RUFY1: variants seen among roughly 807,000 people sequenced by gnomAD.
RUFY1 encodes RUN and FYVE domain containing 1, also known as RUN and FYVE domain-containing protein 1.
Under a neutral mutation model 94.6 loss-of-function variants are expected in RUFY1, and 54 were observed. The observed-to-expected ratio is 0.57, with a 90% CI of 0.46 to 0.72. The LOEUF is 0.72. Ranked by LOEUF, RUFY1 falls within the 30% of genes least tolerant of loss-of-function variation. The pLI is 0.00. For synonymous variants in RUFY1, 396 were observed against 347.3 expected (o/e 1.14, Z -1.56); for missense variants, 883 against 883.9 (o/e 1.00, Z 0.01).
Position 179,609,601 on chromosome 5 carries a change from C to A in RUFY1, c.*82C>A. The A allele has an allele frequency of 2.3e-6, 3 of 1,319,536 alleles. No homozygotes were observed. Among genetic ancestry groups the A allele is most frequent in the Non-Finnish European group, 3.0e-6 (3 of 992,092 alleles). The allele number at this position is 1,319,536 out of a possible 1,614,324, so 81.7% of individuals were successfully genotyped here. A position where few individuals can be genotyped will look rare whatever the true frequency, so the allele number is the denominator to read the frequency against. ...GGGGCTTGGGAAATGTGTTCTTTCCCAAGAGTATCAAAGGAAAGAATCAAA... is the reference window on the plus strand; with the variant it reads ...GGGGCTTGGGAAATGTGTTCTTTCCAAAGAGTATCAAAGGAAAGAATCAAA... On this transcript the variant is annotated 3_prime_UTR_variant, in exon 18 of 18. Transcript: ENST00000319449.
At chr5:179,577,531 G>T (rs915326705) in intron 6 of RUFY1, among the ~76,000 whole-genome samples, 1 of 150,418 alleles carries the variant, frequency 6.6e-6, no homozygotes, top group Non-Finnish European at 1.5e-5. Context: ...CCGGGTCTCC[G>T]GACGGAAATT....
At chr5:179,574,626 G>C (rs1379856685) in intron 5 of RUFY1, among the ~76,000 whole-genome samples, 4 of 152,046 alleles carry the variant, frequency 2.6e-5, no homozygotes, top group African/African-American at 7.2e-5. Flanking sequence ...AATTTTTAAA[G>C]TCATTTATAA....
At chr5:179,571,133 T>C (rs1763196956) in intron 5 of RUFY1, among the ~76,000 whole-genome samples, 1 of 152,224 alleles carries the variant, frequency 6.6e-6, no homozygotes, top group African/African-American at 2.4e-5. Flanking sequence ...AAAATGACTA[T>C]GTAGTATTTC....
chr5:179,568,445 C>G (rs534281121), intron 4 of RUFY1, among the ~76,000 whole-genome samples: 13 of 152,212 alleles, frequency 8.5e-5, no homozygotes, highest in Non-Finnish European at 1.9e-4. Context: ...AGCCTAAAAC[C>G]CAAGCCTTTC....
chr5:179,593,463 A>C lies in RUFY1; in HGVS notation c.1246-15A>C. Reference sequence around the variant, plus strand: ...TCTATTTTAATAACATTTTCCTTGTAAATATCCTTTTAAGGAACTGGAAAA... The same window carrying C: ...TCTATTTTAATAACATTTTCCTTGTCAATATCCTTTTAAGGAACTGGAAAA... On this transcript the variant is annotated splice_polypyrimidine_tract_variant and intron_variant, in intron 10 of 17. Transcript: ENST00000319449. 6.3e-7 allele frequency: 1 copy of C among 1,582,128 alleles called. No homozygotes were observed. The highest frequency in any genetic ancestry group is 8.7e-7 in the Non-Finnish European group (1 of 1,151,004).
intron 1 of RUFY1, among the ~76,000 whole-genome samples, chr5:179,558,290 T>C (rs1762208314): frequency 6.6e-6 from 1 of 152,122 alleles, no homozygotes; most frequent in Non-Finnish European, 1.5e-5. Flanking sequence ...ATAATTATAC[T>C]GGCCAGACAT....
intron 1 of RUFY1, among the ~76,000 whole-genome samples, chr5:179,557,013 A>G (rs1196182475): frequency 6.6e-6 from 1 of 152,162 alleles, no homozygotes; most frequent in Admixed American, 6.6e-5. Context: ...GCCAAAAATT[A>G]TTTTTTGTTC....
intron 5 of RUFY1, chr5:179,572,237 G>A: frequency 7.0e-6 from 2 of 285,986 alleles, no homozygotes; most frequent in South Asian, 6.4e-5. Flanking sequence ...CTTCCAGGAG[G>A]TGAAGCTGTG....
At chr5:179,593,964 A>T (rs1044282980) in intron 11 of RUFY1, among the ~76,000 whole-genome samples, 1 of 150,622 alleles carries the variant, frequency 6.6e-6, no homozygotes, top group Non-Finnish European at 1.5e-5. Flanking sequence ...GTTTTCTTCT[A>T]TTTCAACGAT....
At chr5:179,553,687 G>T (rs1436908769) in intron 1 of RUFY1, among the ~76,000 whole-genome samples, 1 of 152,136 alleles carries the variant, frequency 6.6e-6, no homozygotes, top group Non-Finnish European at 1.5e-5. Flanking sequence ...CTACTCAGGA[G>T]GCTGAGGCAG....
chr5:179,584,291 A>C (rs1277091678), intron 7 of RUFY1, among the ~76,000 whole-genome samples: 1 of 152,180 alleles, frequency 6.6e-6, no homozygotes, highest in Non-Finnish European at 1.5e-5. Flanking sequence ...GGTCTTTGGC[A>C]GCATGACCTG....
chr5:179,604,314 T>C (rs1369463045), intron 15 of RUFY1, among the ~76,000 whole-genome samples: 1 of 152,238 alleles, frequency 6.6e-6, no homozygotes, highest in Non-Finnish European at 1.5e-5. Context: ...TCGCAGGCCC[T>C]ACATTAGCTA....
intron 7 of RUFY1, among the ~76,000 whole-genome samples, chr5:179,583,950 G>A (rs922276266): frequency 3.3e-5 from 5 of 150,914 alleles, no homozygotes; most frequent in African/African-American, 4.9e-5. Context: ...GGGTTTCACC[G>A]TGTTAGCCAG....
intron 6 of RUFY1, among the ~76,000 whole-genome samples, chr5:179,579,215 A>T (rs934118025): frequency 6.6e-6 from 1 of 152,236 alleles, no homozygotes; most frequent in Non-Finnish European, 1.5e-5. Context: ...CAAGAACCAC[A>T]CTAAAGCTTC....
chr5:179,572,308 C>T, intron 5 of RUFY1: 1 of 199,900 alleles, frequency 5.0e-6, no homozygotes, highest in Admixed American at 6.3e-5. Flanking sequence ...TTTTCTGTGG[C>T]CCATGGAGAA....
At chr5:179,603,394 C>T (rs1180949109) in intron 15 of RUFY1, among the ~76,000 whole-genome samples, 2 of 152,190 alleles carry the variant, frequency 1.3e-5, no homozygotes, top group African/African-American at 2.4e-5. Context: ...TAGACTAGCC[C>T]ATGGCCGCTG....
intron 15 of RUFY1, among the ~76,000 whole-genome samples, chr5:179,603,333 C>T (rs772917415): frequency 2.0e-5 from 3 of 152,120 alleles, no homozygotes; most frequent in Non-Finnish European, 4.4e-5. Context: ...CTGCCCACTC[C>T]CAGATGCAGG....
At chr5:179,561,783 C>A (rs947870917) in intron 2 of RUFY1, among the ~76,000 whole-genome samples, 1 of 144,846 alleles carries the variant, frequency 6.9e-6, no homozygotes, top group Admixed American at 7.1e-5. Flanking sequence ...CCCAGGTTCA[C>A]GCCATTCTCC....
rs925383481 is a variant in RUFY1 at position 179,550,917 on chromosome 5, G to T, written c.310+38G>T. The stretch of plus-strand genomic sequence containing the variant: ...CGGGTCTGTCCCGCGGCGGACTCGC[G>T]TGTCCCCGCTGGCCGCCGGCGCGGG... On this transcript the variant is annotated intron_variant, in intron 1 of 17. Coordinates refer to ENST00000319449, the MANE Select transcript of RUFY1 (RefSeq NM_025158.5). The T allele has an allele frequency of 7.0e-5, 76 of 1,078,654 alleles. No homozygotes were observed. The African/African-American group carries it at 1.2e-3, about 17-fold the overall frequency. 66.8% of individuals were successfully genotyped at this position (1,078,654 alleles called of 1,614,324 possible). A position where few individuals can be genotyped will look rare whatever the true frequency, so the allele number is the denominator to read the frequency against.
Sources: allele counts gnomAD v4.1 joint callset (sites outside exome capture counted in the v4.1 genomes callset), GRCh38; gene constraint gnomAD v4.1.1; transcripts MANE v1.5; gene names NCBI Gene and HGNC (gene_info 2026-07-23, HGNC 2026-07-21).